EFHC2: variants seen among roughly 807,000 people sequenced by gnomAD.
EFHC2 encodes EF-hand domain containing 2, also known as EF-hand domain-containing family member C2.
Under a neutral mutation model 52.7 loss-of-function variants are expected in EFHC2, and 18 were observed. That is an observed-to-expected ratio of 0.34 (90% CI 0.24 to 0.51). The LOEUF is 0.51. Ranked by LOEUF, EFHC2 falls within the 20% of genes least tolerant of loss-of-function variation. The probability of loss-of-function intolerance (pLI) is 0.97; values close to 1 mark genes in which losing one functional copy is unlikely to be tolerated. For synonymous variants in EFHC2, 203 were observed against 204.1 expected (o/e 0.99, Z 0.04); for missense variants, 513 against 562.5 (o/e 0.91, Z 0.89).
At chrX:44,230,020 A>T (rs1222946696) in intron 10 of EFHC2, among the ~76,000 whole-genome samples, 1 of 110,957 alleles carries the variant, frequency 9.0e-6, no homozygotes, top group Non-Finnish European at 1.9e-5. Context: ...CTTAAGGAAC[A>T]CCAGGCCACA....
intron 13 of EFHC2, among the ~76,000 whole-genome samples, chrX:44,172,464 T>C (rs923781051): frequency 3.9e-4 from 44 of 112,755 alleles, no homozygotes; most frequent in African/African-American, 1.4e-3. Flanking sequence ...CAGGAAACAG[T>C]AGAGTTGACC....
At chrX:44,156,707 A>G (rs1015105893) in intron 14 of EFHC2, among the ~76,000 whole-genome samples, 1 of 112,406 alleles carries the variant, frequency 8.9e-6, no homozygotes, top group Non-Finnish European at 1.9e-5. Flanking sequence ...AAAAGATAAG[A>G]CGCCAGTCAC....
intron 1 of EFHC2, among the ~76,000 whole-genome samples, chrX:44,323,045 T>TA (rs1158010431): frequency 1.8e-5 from 2 of 111,700 alleles, no homozygotes; most frequent in African/African-American, 6.5e-5. Context: ...ACTCCCTTAC[T>TA]AACCAACCCA....
At chrX:44,294,216 C>T (rs1239744775) in intron 2 of EFHC2, among the ~76,000 whole-genome samples, 1 of 108,301 alleles carries the variant, frequency 9.2e-6, no homozygotes, top group African/African-American at 3.4e-5. Context: ...ATCATGTCAG[C>T]ACTCAAAAAG....
At chrX:44,229,378 T>C (rs1216091203) in intron 11 of EFHC2, among the ~76,000 whole-genome samples, 1 of 111,865 alleles carries the variant, frequency 8.9e-6, no homozygotes, top group Admixed American at 9.5e-5. Context: ...ATTCTGCTGA[T>C]CCTTCAACCT....
At chrX:44,341,605 C>A (rs749321727) in intron 1 of EFHC2, among the ~76,000 whole-genome samples, 1 of 111,732 alleles carries the variant, frequency 8.9e-6, no homozygotes, top group South Asian at 3.7e-4. Context: ...TGTGCCACCA[C>A]GCTTGGCTAA....
In EFHC2 at chrX:44,252,145, C is replaced by A. The variant is rs539084832; in HGVS notation, c.607-1700G>T. ...GGAGAAGGTCTTAAGGTCTGCAGAG[C>A]CTCTGCCTCGGCTGTCCTCTGTCCC... On this transcript the variant is annotated intron_variant, in intron 4 of 14. Coordinates refer to ENST00000420999, the MANE Select transcript of EFHC2 (RefSeq NM_025184.4). Among the ~76,000 whole-genome samples, 48 of 111,589 alleles carry A rather than the reference C, an allele frequency of 4.3e-4. No individual in the cohort carries two copies. In the South Asian group the frequency reaches 0.016, roughly 37 times the overall value.
intron 2 of EFHC2, among the ~76,000 whole-genome samples, chrX:44,287,458 T>C (rs2037760908): frequency 9.0e-6 from 1 of 111,402 alleles, no homozygotes. Flanking sequence ...GAGTGAGCAA[T>C]GTAGTTCTGA....
intron 3 of EFHC2, among the ~76,000 whole-genome samples, chrX:44,265,733 T>C (rs1224500245): frequency 3.6e-5 from 4 of 112,073 alleles, no homozygotes; most frequent in Non-Finnish European, 7.5e-5. Context: ...ACTAAGAGGC[T>C]TAACCACAAT....
chrX:44,229,550 A>C (rs1247902992), intron 11 of EFHC2, 99 bp downstream of exon 11: 2 of 1,075,106 alleles, frequency 1.9e-6, no homozygotes, highest in African/African-American at 1.8e-5. Flanking sequence ...GCCAATTCCT[A>C]ATAAAAAATA....
chrX:44,193,962 T>C (rs574070517), intron 11 of EFHC2, among the ~76,000 whole-genome samples: 1 of 111,029 alleles, frequency 9.0e-6, no homozygotes, highest in South Asian at 3.8e-4. Context: ...ACAAAGGAAT[T>C]CCAAGAGAGG....
At chrX:44,283,487 G>A (rs1176976053) in intron 2 of EFHC2, among the ~76,000 whole-genome samples, 1 of 110,210 alleles carries the variant, frequency 9.1e-6, no homozygotes, top group Non-Finnish European at 1.9e-5. Context: ...CGGCCGATCG[G>A]AAGCACTTTG....
intron 2 of EFHC2, among the ~76,000 whole-genome samples, chrX:44,298,453 C>T (rs148900192): frequency 1.1e-4 from 12 of 111,592 alleles, no homozygotes; most frequent in African/African-American, 3.6e-4. Flanking sequence ...AAGGGCTAAA[C>T]GAATTGGGGG....
intron 3 of EFHC2, among the ~76,000 whole-genome samples, chrX:44,266,673 G>A (rs898479831): frequency 3.6e-5 from 4 of 110,749 alleles, no homozygotes; most frequent in African/African-American, 1.3e-4. Context: ...CAATATTTGG[G>A]ACATAATTAT....
intron 11 of EFHC2, among the ~76,000 whole-genome samples, chrX:44,184,492 G>A (rs755556890): frequency 4.7e-4 from 52 of 111,455 alleles, no homozygotes; most frequent in African/African-American, 1.7e-3. Flanking sequence ...GGAGGCTGAG[G>A]CCGGCAGATC....
chrX:44,234,083 T>C (rs1274186039), intron 9 of EFHC2, among the ~76,000 whole-genome samples: 1 of 112,010 alleles, frequency 8.9e-6, no homozygotes, highest in Non-Finnish European at 1.9e-5. Flanking sequence ...CTTCCACATT[T>C]TCCCTCACCA....
intron 4 of EFHC2, among the ~76,000 whole-genome samples, chrX:44,255,797 C>G (rs1273501392): frequency 1.8e-5 from 2 of 111,793 alleles, no homozygotes; most frequent in Admixed American, 1.9e-4. Context: ...ACAGAACTCT[C>G]CACCCCAAAT....
At chrX:44,322,210 T>C (rs1245157642) in intron 1 of EFHC2, among the ~76,000 whole-genome samples, 2 of 111,962 alleles carry the variant, frequency 1.8e-5, no homozygotes, top group African/African-American at 6.5e-5. Context: ...ATTCATTCTA[T>C]ACCCATAATT....
rs3037410 is a variant in EFHC2 at position 44,192,061 on chromosome X, AGTGTGT to A, written c.1752-13503_1752-13498del. The stretch of plus-strand genomic sequence containing the variant: ...TTTTCACTTTGAATTCACATATGTA[AGTGTGT>A]GTGTGTGTGTGTGTGTGTGTGTGTG... On this transcript the variant is annotated intron_variant, in intron 11 of 14. Transcript: ENST00000420999. 1.6e-3 allele frequency among the ~76,000 whole-genome samples: 150 copies of A among 95,342 alleles called. 4 individuals carry two copies. The highest frequency in any genetic ancestry group is 0.015 in the South Asian group (30 of 1,959). The allele number at this position is 95,342 out of a possible 115,157, so 82.8% of individuals were successfully genotyped here.
Sources: allele counts gnomAD v4.1 joint callset (sites outside exome capture counted in the v4.1 genomes callset), GRCh38; gene constraint gnomAD v4.1.1; transcripts MANE v1.5; gene names NCBI Gene and HGNC (gene_info 2026-07-23, HGNC 2026-07-21).